Variants in PLA2G2C observed in about 807,000 individuals in gnomAD.
PLA2G2C encodes the protein putative inactive group IIC secretory phospholipase A2.
A neutral mutation model predicts 14.3 loss-of-function variants in PLA2G2C; 15 were observed. The ratio of observed to expected loss-of-function variants is 1.05; its 90% CI spans 0.70 to 1.62. The LOEUF (loss-of-function observed/expected upper bound fraction) is 1.62, where lower values mean the gene tolerates loss of function less well. Among genes scored for constraint, PLA2G2C ranks in the 40% most tolerant of loss-of-function variants. The pLI is 0.00. For missense variants in PLA2G2C, 162 were observed against 173.2 expected (o/e 0.94, Z 0.36); for synonymous variants, 79 against 67.7 (o/e 1.17, Z -0.82).
Position 20,175,909 on chromosome 1 carries a change from T to A in PLA2G2C, c.41-764A>T, listed in dbSNP as rs368864728. Among the ~76,000 whole-genome samples, 80 of 151,240 alleles carry A rather than the reference T, an allele frequency of 5.3e-4. 2 individuals carry two copies. The East Asian group carries it at 0.012, about 22-fold the overall frequency. Reference sequence around the variant, plus strand: ...ATAATAAGCGTGTGTTCCCTTTCCTTCTTTTTTTTTTTTTTTTGAGACGGA... The same window carrying A: ...ATAATAAGCGTGTGTTCCCTTTCCTACTTTTTTTTTTTTTTTTGAGACGGA... On this transcript the variant is annotated intron_variant, in intron 2 of 4. Coordinates refer to ENST00000679259, the MANE Select transcript of PLA2G2C (RefSeq NM_001367969.2).
rs2017906594 is a variant in PLA2G2C, at chr1:20,163,531, G to C, written c.*460C>G. The stretch of plus-strand genomic sequence containing the variant: ...TTGTTGCCAGCTAGAGCTGGGCATG[G>C]GCCTGGCGCTCAAGTCTGCTCTGTG... On this transcript the variant is annotated 3_prime_UTR_variant, in exon 5 of 5. Transcript: ENST00000679259. 6.5e-6 allele frequency: 1 copy of C among 153,206 alleles called. No homozygotes were observed. Among genetic ancestry groups the C allele is most frequent in the South Asian group, 2.1e-4 (1 of 4,840 alleles). 9.5% of individuals were successfully genotyped at this position (153,206 alleles called of 1,614,324 possible). A position where few individuals can be genotyped will look rare whatever the true frequency, so the allele number is the denominator to read the frequency against.
chr1:20,167,247 T>G (rs2017994889), intron 4 of PLA2G2C, among the ~76,000 whole-genome samples: 2 of 152,272 alleles, frequency 1.3e-5, no homozygotes, highest in East Asian at 3.9e-4. Context: ...CACCTCTCCC[T>G]TGGGCTCCAG....
chr1:20,166,370 C>T (rs1260406413), intron 4 of PLA2G2C, among the ~76,000 whole-genome samples: 1 of 152,168 alleles, frequency 6.6e-6, no homozygotes, highest in African/African-American at 2.4e-5. Flanking sequence ...GGTTTTGCGG[C>T]TCCCGCCACT....
chr1:20,168,634 A>T (rs2018017859), intron 4 of PLA2G2C, among the ~76,000 whole-genome samples: 1 of 152,240 alleles, frequency 6.6e-6, no homozygotes, highest in South Asian at 2.1e-4. Context: ...TACAAATTCC[A>T]GCAGTTACCA....
intron 1 of PLA2G2C, among the ~76,000 whole-genome samples, chr1:20,182,642 A>G (rs750213852): frequency 2.0e-5 from 3 of 152,248 alleles, no homozygotes; most frequent in Middle Eastern, 3.2e-3. Context: ...CCCCTTAGGA[A>G]GCTGATCACA....
chr1:20,175,538 A>G (rs2018168495), intron 2 of PLA2G2C, among the ~76,000 whole-genome samples: 2 of 152,192 alleles, frequency 1.3e-5, no homozygotes, highest in Non-Finnish European at 2.9e-5. Context: ...TCAGGCCTTT[A>G]CTATCTCACA....
chr1:20,186,126 C>A (rs2018381729), intron 1 of PLA2G2C: 1 of 152,520 alleles, frequency 6.6e-6, no homozygotes, highest in African/African-American at 2.4e-5. Flanking sequence ...AGCCCGGGCG[C>A]AGGCGGCGGA....
At chr1:20,166,890 C>T (rs550338345) in intron 4 of PLA2G2C, among the ~76,000 whole-genome samples, 1 of 152,140 alleles carries the variant, frequency 6.6e-6, no homozygotes, top group Non-Finnish European at 1.5e-5. Context: ...AACCATGGAC[C>T]GGGCCTGTCA....
At chr1:20,169,455 C>T (rs2018033661) in intron 4 of PLA2G2C, among the ~76,000 whole-genome samples, 1 of 152,166 alleles carries the variant, frequency 6.6e-6, no homozygotes, top group South Asian at 2.1e-4. Context: ...GCTGGGATTA[C>T]AGGTATGAGC....
chr1:20,177,420 G>T lies in PLA2G2C; in HGVS notation c.-57C>A. 1 of 625,106 alleles carries T rather than the reference G, an allele frequency of 1.6e-6. No homozygotes were observed. Among genetic ancestry groups the T allele is most frequent in the South Asian group, 1.8e-5 (1 of 55,466 alleles). The allele number at this position is 625,106 out of a possible 1,614,324, so 38.7% of individuals were successfully genotyped here. ...CAGCCACGCCTTCACCTGTGTGTGA[G>T]GGGTCTCCCAGCTGAACCTCTGTTC... On this transcript the variant is annotated 5_prime_UTR_variant, in exon 2 of 5. Coordinates refer to ENST00000679259, the MANE Select transcript of PLA2G2C (RefSeq NM_001367969.2).
intron 1 of PLA2G2C, among the ~76,000 whole-genome samples, chr1:20,185,080 G>A (rs1426182524): frequency 1.3e-5 from 2 of 152,162 alleles, no homozygotes; most frequent in East Asian, 3.9e-4. Flanking sequence ...AGGCTGCAGT[G>A]AGCTGTGATT....
chr1:20,178,019 G>A (rs971352332), intron 1 of PLA2G2C, among the ~76,000 whole-genome samples: 4 of 152,148 alleles, frequency 2.6e-5, no homozygotes, highest in African/African-American at 4.8e-5. Flanking sequence ...TGGGTAAACC[G>A]AGACCCAGAG....
intron 4 of PLA2G2C, among the ~76,000 whole-genome samples, chr1:20,166,666 C>G (rs2017985522): frequency 6.6e-6 from 1 of 152,226 alleles, no homozygotes; most frequent in African/African-American, 2.4e-5. Context: ...CTGTCTTCTT[C>G]TATTCCATCT....
At chr1:20,168,284 C>A (rs1011342244) in intron 4 of PLA2G2C, among the ~76,000 whole-genome samples, 4 of 152,238 alleles carry the variant, frequency 2.6e-5, no homozygotes, top group African/African-American at 9.6e-5. Context: ...TTCATCTACT[C>A]ATTAAACAAA....
chr1:20,178,915 G>A (rs1033111462), intron 1 of PLA2G2C, among the ~76,000 whole-genome samples: 37 of 152,326 alleles, frequency 2.4e-4, no homozygotes, highest in African/African-American at 8.7e-4. Flanking sequence ...ATTAGTTCTC[G>A]AATGCTTCAC....
At chr1:20,170,080 C>G (rs930652421) in intron 4 of PLA2G2C, among the ~76,000 whole-genome samples, 1 of 152,262 alleles carries the variant, frequency 6.6e-6, no homozygotes, top group African/African-American at 2.4e-5. Context: ...TGCTTAACCT[C>G]TCTGAGCCCC....
intron 1 of PLA2G2C, among the ~76,000 whole-genome samples, chr1:20,181,839 G>T (rs898070871): frequency 1.3e-5 from 2 of 152,156 alleles, no homozygotes; most frequent in East Asian, 3.8e-4. Flanking sequence ...TATTGACTGC[G>T]AGTTGCCAAG....
At chr1:20,172,049 C>T (rs1429358868) in intron 4 of PLA2G2C, among the ~76,000 whole-genome samples, 2 of 152,072 alleles carry the variant, frequency 1.3e-5, no homozygotes, top group African/African-American at 4.8e-5. Context: ...AAGCGTGAGC[C>T]ACCGCGCCCG....
chr1:20,172,442 C>T (rs1302290455), intron 4 of PLA2G2C, among the ~76,000 whole-genome samples: 2 of 152,150 alleles, frequency 1.3e-5, no homozygotes, highest in Admixed American at 6.5e-5. Flanking sequence ...ACAGCTGAGC[C>T]GTTTTGTTAA....
Sources: allele counts gnomAD v4.1 joint callset (sites outside exome capture counted in the v4.1 genomes callset), GRCh38; gene constraint gnomAD v4.1.1; transcripts MANE v1.5; gene names NCBI Gene and HGNC (gene_info 2026-07-23, HGNC 2026-07-21).